Variants in JPH3 observed in about 807,000 individuals in gnomAD.
JPH3 encodes the protein junctophilin-3.
A neutral mutation model predicts 59.6 loss-of-function variants in JPH3; 11 were observed. That is an observed-to-expected ratio of 0.18 (90% CI 0.12 to 0.31). JPH3 has a LOEUF of 0.31. JPH3 is among the 10% of genes least tolerant of loss of function. The pLI, the probability that JPH3 is intolerant of heterozygous loss-of-function variation, is 1.00. For synonymous variants in JPH3, 673 were observed against 483.6 expected (o/e 1.39, Z -5.14); for missense variants, 1,202 against 1,105.7 (o/e 1.09, Z -1.24).
At chr16:87,658,776 C>T (rs778097757) in intron 2 of JPH3, among the ~76,000 whole-genome samples, 23 of 152,250 alleles carry the variant, frequency 1.5e-4, no homozygotes, top group Non-Finnish European at 3.1e-4. Flanking sequence ...CCACCCCTCA[C>T]CTGGGGCCTG....
chr16:87,689,936 T>C lies in JPH3; in HGVS notation c.1576T>C (p.Cys526Arg). Residue 526 changes from cysteine to arginine, a missense_variant, in exon 4 of 5, where the codon TGC (cysteine) becomes CGC (arginine). Cys to Arg is a radical substitution (Grantham distance 180, BLOSUM62 -3). Coordinates refer to ENST00000284262, the MANE Select transcript of JPH3 (RefSeq NM_020655.4). The stretch of plus-strand genomic sequence containing the variant: ...GCTCCTGGAGGGCCGGGCCGGGGAC[T>C]GCGCCCGCAGCAGCTGGGGCGAGGA... The part of the protein sequence containing the change: ...QMLLEGRAGD[C>R]ARSSWGEEQA... 6.9e-7 allele frequency: 1 copy of C among 1,449,366 alleles called. No homozygotes were observed. 89.8% of individuals were successfully genotyped at this position (1,449,366 alleles called of 1,614,324 possible).
At chr16:87,658,874 C>T (rs1454992448) in intron 2 of JPH3, among the ~76,000 whole-genome samples, 2 of 152,254 alleles carry the variant, frequency 1.3e-5, no homozygotes, top group African/African-American at 4.8e-5. Context: ...TTCCTCCTCT[C>T]CAAACCCAGC....
At chr16:87,636,372 G>A (rs566864314) in intron 1 of JPH3, among the ~76,000 whole-genome samples, 83 of 152,354 alleles carry the variant, frequency 5.4e-4, no homozygotes, top group Middle Eastern at 3.4e-3. Flanking sequence ...ACTTAATCAA[G>A]CATAAATGCA....
chr16:87,622,863 G>C (rs1451788919), intron 1 of JPH3, among the ~76,000 whole-genome samples: 1 of 152,170 alleles, frequency 6.6e-6, no homozygotes, highest in East Asian at 1.9e-4. Context: ...CCCCAACTCA[G>C]CCTCTGGTCA....
At chr16:87,672,058 C>A (rs765668811) in intron 2 of JPH3, among the ~76,000 whole-genome samples, 1 of 152,066 alleles carries the variant, frequency 6.6e-6, no homozygotes, top group Non-Finnish European at 1.5e-5. Context: ...GCGGTGCCCT[C>A]GCTCAACCGG....
rs980718623 is a variant in JPH3 at position 87,644,933 on chromosome 16, C to G, written c.1058C>G (p.Pro353Arg). 1.9e-6 allele frequency: 3 copies of G among 1,612,362 alleles called. No individual in the cohort carries two copies. The highest frequency in any genetic ancestry group is 2.2e-5 in the South Asian group (2 of 91,086). The change falls in exon 2 of 5, where the codon CCC (proline) becomes CGC (arginine). Residue 353 changes from proline (P) to arginine (R), a missense_variant. Physicochemically the swap from Pro to Arg is moderately radical, Grantham distance 103. Transcript: ENST00000284262. The part of the protein sequence containing the change: ...LVGGKRKNLI[P>R]LRASKIREKV... ...GGCGGCAAGCGCAAGAACCTCATCC[C>G]CCTGCGGGCCAGCAAGATCCGCGAG...
chr16:87,676,221 C>T lies in JPH3; in HGVS notation c.1161-7921C>T, dbSNP rs541464373. Reference sequence around the variant, plus strand: ...TGTATCAGCCGTCTTCTCAATGAGACCAGAATCCCTATCAGAGCAAGGACC... The same window carrying T: ...TGTATCAGCCGTCTTCTCAATGAGATCAGAATCCCTATCAGAGCAAGGACC... On this transcript the variant is annotated intron_variant, in intron 2 of 4. Transcript: ENST00000284262. Among the ~76,000 whole-genome samples the T allele has an allele frequency of 2.0e-5, 3 of 152,326 alleles. No homozygotes were observed. The South Asian group carries it at 6.2e-4, about 32-fold the overall frequency.
chr16:87,629,672 G>T lies in JPH3; in HGVS notation c.383-14586G>T, dbSNP rs562078900. On this transcript the variant is annotated intron_variant, in intron 1 of 4. Transcript: ENST00000284262. ...GGAGACAGTGACAAGATCATTGGTT[G>T]CCCAGGGTTGGGGGGGAGGGAGGGA... Among the ~76,000 whole-genome samples, 87 of 138,144 alleles carry T rather than the reference G, an allele frequency of 6.3e-4. 1 individual carries two copies. The highest frequency in any genetic ancestry group is 3.6e-3 in the Middle Eastern group (1 of 274). 90.6% of individuals were successfully genotyped at this position (138,144 alleles called of 152,430 possible). A position where few individuals can be genotyped will look rare whatever the true frequency, so the allele number is the denominator to read the frequency against.
In JPH3 at chr16:87,636,776, G is replaced by C. The variant is rs76158205; in HGVS notation, c.383-7482G>C. 5.8e-3 allele frequency among the ~76,000 whole-genome samples: 889 copies of C among 152,368 alleles called. 10 individuals are homozygous for C. Among genetic ancestry groups the C allele is most frequent in the African/African-American group, 0.02 (834 of 41,590 alleles). On this transcript the variant is annotated intron_variant, in intron 1 of 4. Coordinates refer to ENST00000284262, the MANE Select transcript of JPH3 (RefSeq NM_020655.4). ...AGACTCCGGCGACCCTCATTACACT[G>C]TGCCGGGAGGCATGGCCAGAGCTCC...
intron 2 of JPH3, among the ~76,000 whole-genome samples, chr16:87,671,179 G>A (rs1490256512): frequency 1.3e-5 from 2 of 152,162 alleles, no homozygotes; most frequent in South Asian, 2.1e-4. Flanking sequence ...GGTCTTTGGA[G>A]CTTCAGCCCA....
intron 2 of JPH3, among the ~76,000 whole-genome samples, chr16:87,681,267 C>T (rs1236158071): frequency 2.8e-5 from 4 of 144,314 alleles, no homozygotes; most frequent in Middle Eastern, 4.0e-3. Context: ...CACGTGCGCG[C>T]GGTCGTGACA....
chr16:87,666,403 T>C (rs192171014), intron 2 of JPH3, among the ~76,000 whole-genome samples: 3,131 of 151,380 alleles, frequency 0.021, 118 homozygotes, highest in African/African-American at 0.072. Flanking sequence ...TTTTTTTTTT[T>C]CCCTTGGCAA....
Position 87,613,394 on chromosome 16 carries a change from C to A in JPH3, c.382+9866C>A, listed in dbSNP as rs907905084. Among the ~76,000 whole-genome samples the A allele has an allele frequency of 2.0e-5, 3 of 152,230 alleles. No homozygotes were observed. The South Asian group carries it at 6.2e-4, about 32-fold the overall frequency. ...AATTACAGGTAGCGTGAACTCAGCT[C>A]ACTGCAGCCTCTGCTTCCCGAGTTC... is the stretch of plus-strand genomic sequence containing the variant. On this transcript the variant is annotated intron_variant, in intron 1 of 4. Transcript: ENST00000284262.
At chr16:87,696,000 G>C (rs1034392687) in intron 4 of JPH3, 11 of 455,938 alleles carry the variant, frequency 2.4e-5, no homozygotes, top group Admixed American at 1.2e-4. Flanking sequence ...AAGGCAGCTC[G>C]CAATTGGACA....
intron 1 of JPH3, among the ~76,000 whole-genome samples, chr16:87,634,398 C>T (rs920653590): frequency 4.6e-5 from 7 of 152,142 alleles, no homozygotes; most frequent in East Asian, 1.9e-4. Flanking sequence ...GTGTCAGAGC[C>T]GGGAATGGGG....
At chr16:87,675,332 C>T (rs1031351379) in intron 2 of JPH3, among the ~76,000 whole-genome samples, 4 of 152,152 alleles carry the variant, frequency 2.6e-5, no homozygotes, top group African/African-American at 9.7e-5. Flanking sequence ...GAGCACCAAC[C>T]CAGAGTGTCG....
intron 4 of JPH3, chr16:87,695,770 G>A (rs1273857521): frequency 2.2e-6 from 1 of 455,982 alleles, no homozygotes; most frequent in Non-Finnish European, 4.4e-6. Context: ...GTGCAGGACT[G>A]CAAGAATCAC....
intron 3 of JPH3, among the ~76,000 whole-genome samples, chr16:87,687,025 C>T (rs1350323373): frequency 1.3e-5 from 2 of 152,176 alleles, no homozygotes; most frequent in South Asian, 2.1e-4. Flanking sequence ...GCAGCATCTT[C>T]CCTGGAGGGG....
At chr16:87,671,016 C>T (rs2150866407) in intron 2 of JPH3, among the ~76,000 whole-genome samples, 1 of 152,326 alleles carries the variant, frequency 6.6e-6, no homozygotes, top group African/African-American at 2.4e-5. Context: ...GGCTGGAATC[C>T]TGGGGCTGTG....
Sources: allele counts gnomAD v4.1 joint callset (sites outside exome capture counted in the v4.1 genomes callset), GRCh38; gene constraint gnomAD v4.1.1; transcripts MANE v1.5; gene names NCBI Gene and HGNC (gene_info 2026-07-23, HGNC 2026-07-21).